Variants in DEPTOR observed in about 807,000 individuals in gnomAD.
DEPTOR encodes the protein DEP domain-containing mTOR-interacting protein.
In DEPTOR, 41 loss-of-function variants were observed where a neutral mutation model predicts 41.6. The ratio of observed to expected loss-of-function variants is 0.98; its 90% CI spans 0.77 to 1.28. The LOEUF is 1.28. Ranked by LOEUF, DEPTOR falls within the 50% of genes most tolerant of loss-of-function variation. DEPTOR has a pLI of 0.00. For synonymous variants in DEPTOR, 195 were observed against 192.3 expected, an observed-to-expected ratio of 1.01 and a Z score of -0.12; for missense variants, 514 against 527.9, an observed-to-expected ratio of 0.97 and a Z score of 0.26.
chr8:119,993,270 T>G lies in DEPTOR; in HGVS notation c.605-8255T>G, dbSNP rs548515761. Among the ~76,000 whole-genome samples, 3 of 152,332 alleles carry G rather than the reference T, an allele frequency of 2.0e-5. No homozygotes were observed. In the East Asian group the frequency reaches 5.8e-4, roughly 29 times the overall value. ...AGGGATCTGTTTTTCTTTGACCAAA[T>G]AGTGAATTGAGTGCTTCTAAAGTTC... On this transcript the variant is annotated intron_variant, in intron 4 of 8. Coordinates refer to ENST00000286234, the MANE Select transcript of DEPTOR (RefSeq NM_022783.4).
chr8:119,969,404 G>A (rs1323059050), intron 4 of DEPTOR, among the ~76,000 whole-genome samples: 3 of 151,028 alleles, frequency 2.0e-5, no homozygotes, highest in African/African-American at 7.3e-5. Context: ...GCCCAGGCTG[G>A]AGTGCAATGG....
At chr8:120,002,380 C>G (rs1812362868) in intron 5 of DEPTOR, among the ~76,000 whole-genome samples, 1 of 152,054 alleles carries the variant, frequency 6.6e-6, no homozygotes, top group African/African-American at 2.4e-5. Context: ...CCTCGTGATT[C>G]TCCTGCCTTG....
At chr8:119,918,438 CTTTATTTATTTATTTA>C (rs796881763) in intron 1 of DEPTOR, among the ~76,000 whole-genome samples, 33,070 of 83,212 alleles carry the variant, frequency 0.4, 4,200 homozygotes, top group African/African-American at 0.44. Context: ...CATGGACCAC[CTTTATTTATTTATTTA>C]TTTATTTATT....
chr8:119,955,453 G>T (rs1828406213), intron 3 of DEPTOR, among the ~76,000 whole-genome samples: 2 of 151,502 alleles, frequency 1.3e-5, no homozygotes, highest in Non-Finnish European at 2.9e-5. Context: ...AATCCATTTT[G>T]ACATAATTTT....
At chr8:119,876,335 C>G (rs1827230567) in intron 1 of DEPTOR, among the ~76,000 whole-genome samples, 1 of 152,298 alleles carries the variant, frequency 6.6e-6, no homozygotes, top group South Asian at 2.1e-4. Context: ...TGAATCTTGG[C>G]TTTGCTACTT....
intron 4 of DEPTOR, among the ~76,000 whole-genome samples, chr8:119,981,436 G>A (rs1428301114): frequency 1.3e-5 from 2 of 150,636 alleles, no homozygotes; most frequent in Non-Finnish European, 3.0e-5. Context: ...GCAGGCAATC[G>A]TTTGAGGCCA....
chr8:119,978,961 C>G (rs76382494), intron 4 of DEPTOR, among the ~76,000 whole-genome samples: 14,559 of 151,942 alleles, frequency 0.096, 745 homozygotes, highest in South Asian at 0.2. Context: ...GCTCCCTGCT[C>G]CCTGCTCCCT....
At chr8:119,916,477 A>G (rs560355983) in intron 1 of DEPTOR, among the ~76,000 whole-genome samples, 1 of 152,112 alleles carries the variant, frequency 6.6e-6, no homozygotes, top group Non-Finnish European at 1.5e-5. Flanking sequence ...ATTCAGATGT[A>G]AGGTTATTAC....
intron 3 of DEPTOR, among the ~76,000 whole-genome samples, chr8:119,962,086 C>CAAAAAAAA (rs772605916): frequency 1.0e-4 from 5 of 48,176 alleles, no homozygotes; most frequent in African/African-American, 1.9e-4. Flanking sequence ...ACTAAAAATA[C>CAAAAAAAA]AAAAAAAAAA....
intron 8 of DEPTOR, among the ~76,000 whole-genome samples, chr8:120,031,647 CTCA>C (rs1464039824): frequency 3.3e-5 from 5 of 152,046 alleles, no homozygotes; most frequent in African/African-American, 1.2e-4. Context: ...GCCAGCACAT[CTCA>C]TCAACACAGT....
intron 8 of DEPTOR, among the ~76,000 whole-genome samples, chr8:120,047,514 T>C (rs963628386): frequency 3.9e-4 from 59 of 151,720 alleles, no homozygotes; most frequent in African/African-American, 1.3e-3. Context: ...ATTACAGGCA[T>C]CCGCCACCAC....
At chr8:120,049,376 CG>C (rs1157646043) in intron 8 of DEPTOR, among the ~76,000 whole-genome samples, 199 bp from the exon 9 acceptor site, 8 of 146,218 alleles carry the variant, frequency 5.5e-5, no homozygotes, top group African/African-American at 1.9e-4. Context: ...AACACTAAAA[CG>C]ATTTTTTTTT....
intron 1 of DEPTOR, among the ~76,000 whole-genome samples, chr8:119,889,672 A>AGGGGAGGGGG (rs1231174404): frequency 1.1e-4 from 2 of 18,816 alleles, no homozygotes; most frequent in Admixed American, 1.1e-3. Context: ...AGGGGAGGGG[A>AGGGGAGGGGG]GAGGAGGGGA....
At chr8:120,014,614 G>A (rs772613216) in intron 8 of DEPTOR, among the ~76,000 whole-genome samples, 17 of 151,624 alleles carry the variant, frequency 1.1e-4, no homozygotes, top group Middle Eastern at 6.8e-3. Flanking sequence ...TGCAACCTCC[G>A]CCTCCCGGGT....
intron 3 of DEPTOR, among the ~76,000 whole-genome samples, chr8:119,935,963 C>T (rs560166405): frequency 6.6e-6 from 1 of 150,962 alleles, no homozygotes; most frequent in South Asian, 2.1e-4. Flanking sequence ...AACTAAATCC[C>T]CTCTTAATCT....
intron 8 of DEPTOR, among the ~76,000 whole-genome samples, chr8:120,042,608 T>C (rs1481861176): frequency 6.6e-6 from 1 of 152,180 alleles, no homozygotes; most frequent in Non-Finnish European, 1.5e-5. Flanking sequence ...AACTTCCGCC[T>C]CCCAGGTTCA....
chr8:119,959,511 T>G (rs1224981973), intron 3 of DEPTOR, among the ~76,000 whole-genome samples: 4 of 151,324 alleles, frequency 2.6e-5, no homozygotes, highest in African/African-American at 9.7e-5. Context: ...AGGTTTGATT[T>G]GGGAAAATAT....
At chr8:119,984,211 G>A (rs986203876) in intron 4 of DEPTOR, among the ~76,000 whole-genome samples, 8 of 152,226 alleles carry the variant, frequency 5.3e-5, no homozygotes, top group African/African-American at 1.9e-4. Flanking sequence ...AAGCACACAT[G>A]GCTAATATTT....
chr8:120,001,404 T>A (rs1266906930), intron 4 of DEPTOR, 121 bp from the exon 5 acceptor site: 2 of 662,952 alleles, frequency 3.0e-6, no homozygotes, highest in African/African-American at 3.9e-5. Context: ...TCATGTGGCA[T>A]CTGTGGAAGA....
Sources: allele counts gnomAD v4.1 joint callset (sites outside exome capture counted in the v4.1 genomes callset), GRCh38; gene constraint gnomAD v4.1.1; transcripts MANE v1.5; gene names NCBI Gene and HGNC (gene_info 2026-07-23, HGNC 2026-07-21).